MCMBP: variants seen among roughly 807,000 people sequenced by gnomAD.
MCMBP encodes the protein minichromosome maintenance complex binding protein.
In MCMBP, 31 loss-of-function variants were observed where a neutral mutation model predicts 81.3. That is an observed-to-expected ratio of 0.38 (90% CI 0.29 to 0.51). The LOEUF is 0.51. MCMBP is among the 20% of genes least tolerant of loss of function. MCMBP has a pLI of 0.87. For synonymous variants in MCMBP, 267 were observed against 275.9 expected (o/e 0.97, Z 0.32); for missense variants, 645 against 772.1 (o/e 0.84, Z 1.95).
rs1852973204 is a variant in MCMBP at position 119,854,957 on chromosome 10, A to AT, written c.430-1764_430-1763insA. Among the ~76,000 whole-genome samples the AT allele has an allele frequency of 3.5e-5, 4 of 112,796 alleles. No homozygotes were observed. The South Asian group carries it at 1.2e-3, about 32-fold the overall frequency. 74.0% of individuals were successfully genotyped at this position (112,796 alleles called of 152,430 possible). On this transcript the variant is annotated intron_variant, in intron 5 of 15. Transcript: ENST00000369077. ...GACAGAGCAGGACTCTGCCTCAAAA[A>AT]AAAAAAAAAAAAAAATAAAATAAAA...
chr10:119,832,790 A>G (rs914224175), intron 14 of MCMBP, among the ~76,000 whole-genome samples: 2 of 152,206 alleles, frequency 1.3e-5, no homozygotes, highest in African/African-American at 4.8e-5. Flanking sequence ...ATCAAAAACA[A>G]TCGGAAGAAA....
chr10:119,857,450 C>T lies in MCMBP; in HGVS notation c.328-11G>A, dbSNP rs752431576. 3.2e-6 allele frequency: 5 copies of T among 1,544,238 alleles called. No individual in the cohort carries two copies. The African/African-American group carries it at 4.2e-5, about 13-fold the overall frequency. On this transcript the variant is annotated splice_polypyrimidine_tract_variant and intron_variant, in intron 4 of 15. Transcript: ENST00000369077. Reference sequence around the variant, plus strand: ...AAGTTCTTGTTGAGGCTGTGATATACATAAAAAGTGTTTTTAAAAATTTAC... The same window carrying T: ...AAGTTCTTGTTGAGGCTGTGATATATATAAAAAGTGTTTTTAAAAATTTAC...
Position 119,872,665 on chromosome 10 carries a change from C to G in MCMBP, c.-81G>C. On this transcript the variant is annotated 5_prime_UTR_variant, in exon 1 of 16. Transcript: ENST00000369077. ...GCGGCCGGGCGGCCGGCGCCCAGCT[C>G]CTCTTCAGCGGCTCGGCCGCTCCTC... 1 of 736,996 alleles carries G rather than the reference C, an allele frequency of 1.4e-6. No individual in the cohort carries two copies. Among genetic ancestry groups the G allele is most frequent in the Non-Finnish European group, 1.8e-6 (1 of 568,836 alleles). 45.7% of individuals were successfully genotyped at this position (736,996 alleles called of 1,614,324 possible). A position where few individuals can be genotyped will look rare whatever the true frequency, so the allele number is the denominator to read the frequency against.
At chr10:119,852,422 C>G (rs1449277811) in intron 6 of MCMBP, among the ~76,000 whole-genome samples, 2 of 152,184 alleles carry the variant, frequency 1.3e-5, no homozygotes, top group African/African-American at 4.8e-5. Flanking sequence ...GCCTGTTATG[C>G]CAATGGCTTT....
chr10:119,833,183 A>G (rs1198761613), intron 14 of MCMBP, among the ~76,000 whole-genome samples: 3 of 152,258 alleles, frequency 2.0e-5, no homozygotes, highest in Non-Finnish European at 4.4e-5. Flanking sequence ...AACAGAGCAG[A>G]GACTTCAGTG....
rs192960435 is a variant in MCMBP, at chr10:119,870,026, C to T, written c.58+2501G>A. 7.0e-4 allele frequency among the ~76,000 whole-genome samples: 107 copies of T among 152,330 alleles called. 1 individual carries two copies. The highest frequency in any genetic ancestry group is 1.3e-3 in the Non-Finnish European group (90 of 68,030). ...ATTTTGTGTAATTTTAATTAATTTA[C>T]ATTTAAATAGCCACACATGGCTACT... On this transcript the variant is annotated intron_variant, in intron 1 of 15. Transcript: ENST00000369077.
chr10:119,860,009 A>T (rs1351075333), intron 1 of MCMBP, 125 bp from the exon 2 acceptor site: 1 of 659,130 alleles, frequency 1.5e-6, no homozygotes, highest in Non-Finnish European at 2.6e-6. Flanking sequence ...CTATGATAGA[A>T]TGAATTTTTA....
In MCMBP at chr10:119,872,632, G is replaced by C. The variant is rs1205366357; in HGVS notation, c.-48C>G. The C allele has an allele frequency of 2.8e-6, 3 of 1,070,414 alleles. No individual in the cohort carries two copies. Among genetic ancestry groups the C allele is most frequent in the Non-Finnish European group, 3.5e-6 (3 of 862,568 alleles). The allele number at this position is 1,070,414 out of a possible 1,614,324, so 66.3% of individuals were successfully genotyped here. On this transcript the variant is annotated 5_prime_UTR_variant, in exon 1 of 16. Transcript: ENST00000369077. The stretch of plus-strand genomic sequence containing the variant: ...GAAGACCGGGCGGAGGCGATCCGCG[G>C]GCCGAGCGCGGCCGGGCGGCCGGCG...
intron 1 of MCMBP, among the ~76,000 whole-genome samples, chr10:119,864,529 T>C (rs551481249): frequency 1.3e-5 from 2 of 151,104 alleles, no homozygotes; most frequent in South Asian, 4.5e-4. Flanking sequence ...TGGTAATTTG[T>C]TTTCCTTTTT....
intron 8 of MCMBP, 48 bp downstream of exon 8, chr10:119,847,565 A>C (rs1355514175): frequency 8.5e-7 from 1 of 1,174,358 alleles, no homozygotes; most frequent in Admixed American, 2.2e-5. Flanking sequence ...TGAAAACTTG[A>C]AATTATATAA....
intron 1 of MCMBP, among the ~76,000 whole-genome samples, chr10:119,864,633 G>C (rs1318598206): frequency 1.6e-5 from 2 of 121,996 alleles, no homozygotes; most frequent in South Asian, 2.4e-4. Context: ...TTTTTTTTCT[G>C]TTTTCTATTT....
intron 5 of MCMBP, 98 bp from the exon 6 acceptor site, chr10:119,853,292 C>T (rs1852898278): frequency 7.9e-7 from 1 of 1,273,204 alleles, no homozygotes; most frequent in African/African-American, 1.5e-5. Flanking sequence ...TTTGGCAATT[C>T]AGTTAAAATA....
chr10:119,839,633 G>A (rs1447405499), intron 11 of MCMBP, among the ~76,000 whole-genome samples: 1 of 152,104 alleles, frequency 6.6e-6, no homozygotes, highest in Non-Finnish European at 1.5e-5. Flanking sequence ...CCCTTTTACA[G>A]GGTCAATCAG....
At chr10:119,867,292 C>CAAAA (rs372338008) in intron 1 of MCMBP, among the ~76,000 whole-genome samples, 4 of 48,732 alleles carry the variant, frequency 8.2e-5, no homozygotes, top group African/African-American at 1.8e-4. Flanking sequence ...GACTCCATCT[C>CAAAA]AAAAAAAAAA....
chr10:119,842,633 T>A, intron 9 of MCMBP, 38 bp from the exon 10 acceptor site: 1 of 1,592,314 alleles, frequency 6.3e-7, no homozygotes, highest in East Asian at 2.2e-5. Context: ...GGACACACAC[T>A]CCAGTTCCTC....
intron 6 of MCMBP, among the ~76,000 whole-genome samples, 194 bp from the exon 7 acceptor site, chr10:119,849,770 C>T (rs533492446): frequency 6.6e-6 from 1 of 152,260 alleles, no homozygotes; most frequent in Non-Finnish European, 1.5e-5. Context: ...CAAAGATAAA[C>T]ATGAAGATCT....
At chr10:119,866,266 G>GAGATGGAA (rs1243929939) in intron 1 of MCMBP, among the ~76,000 whole-genome samples, 2 of 152,200 alleles carry the variant, frequency 1.3e-5, no homozygotes, top group African/African-American at 4.8e-5. Flanking sequence ...GTTGTTGCCA[G>GAGATGGAA]AGATGGAAGA....
At chr10:119,844,284 T>C (rs1288633523) in intron 8 of MCMBP, among the ~76,000 whole-genome samples, 1 of 152,230 alleles carries the variant, frequency 6.6e-6, no homozygotes, top group Non-Finnish European at 1.5e-5. Context: ...GATAGATTTG[T>C]GAGACGACCA....
intron 1 of MCMBP, among the ~76,000 whole-genome samples, chr10:119,866,222 G>A (rs769343466): frequency 2.0e-4 from 31 of 152,100 alleles, no homozygotes; most frequent in African/African-American, 4.1e-4. Flanking sequence ...TACACGAAAC[G>A]TCCAGAATAG....
Sources: gnomAD v4.1 joint callset for allele counts (sites outside exome capture counted in the v4.1 genomes callset) on GRCh38, gnomAD v4.1.1 for gene constraint, MANE v1.5 for transcripts, NCBI Gene and HGNC (gene_info 2026-07-23, HGNC 2026-07-21) for gene names.